Variants in CFAP47 observed in about 807,000 individuals in gnomAD.
CFAP47 encodes cilia and flagella associated protein 47, also known as cilia- and flagella-associated protein 47.
CFAP47 carries 29 observed loss-of-function variants against 148.1 expected under a neutral mutation model. The observed-to-expected ratio is 0.20, with a 90% CI of 0.15 to 0.27. The LOEUF is 0.27. CFAP47 is among the 10% of genes least tolerant of loss of function. CFAP47 has a pLI of 1.00. For synonymous variants in CFAP47, 664 were observed against 577.3 expected, an observed-to-expected ratio of 1.15 and a Z score of -2.15; for missense variants, 1,872 against 1,697.5, an observed-to-expected ratio of 1.10 and a Z score of -1.81.
chrX:36,365,291 ATACT>A (rs1397286546), intron 61 of CFAP47, among the ~76,000 whole-genome samples: 2 of 110,816 alleles, frequency 1.8e-5, no homozygotes, highest in Non-Finnish European at 3.8e-5. Flanking sequence ...TCTATGCAAC[ATACT>A]TCATTTTAGC....
At chrX:36,233,133 G>A (rs1940393321) in intron 46 of CFAP47, among the ~76,000 whole-genome samples, 2 of 111,508 alleles carry the variant, frequency 1.8e-5, no homozygotes, top group Admixed American at 9.5e-5. Context: ...TATTAGGTCT[G>A]CTTGGTGCAG....
intron 26 of CFAP47, among the ~76,000 whole-genome samples, chrX:36,050,739 T>G (rs1297818965): frequency 9.0e-6 from 1 of 110,925 alleles, no homozygotes; most frequent in Non-Finnish European, 1.9e-5. Flanking sequence ...ACCAAGACAA[T>G]GGGGAAAATG....
intron 57 of CFAP47, among the ~76,000 whole-genome samples, chrX:36,328,273 T>C (rs1265594714): frequency 9.0e-6 from 1 of 111,707 alleles, no homozygotes; most frequent in East Asian, 2.8e-4. Flanking sequence ...AAGATCTTTA[T>C]ACTAAATACT....
chrX:36,347,059 C>T (rs782145911), intron 57 of CFAP47, among the ~76,000 whole-genome samples: 17 of 111,944 alleles, frequency 1.5e-4, no homozygotes, highest in African/African-American at 5.5e-4. Flanking sequence ...GGCTAATATC[C>T]AGAATCTACA....
intron 39 of CFAP47, among the ~76,000 whole-genome samples, chrX:36,172,780 C>T (rs1001497977): frequency 1.9e-4 from 21 of 111,384 alleles, no homozygotes; most frequent in Non-Finnish European, 3.2e-4. Flanking sequence ...TGTGTCTCTG[C>T]CCGGCTTTGG....
At chrX:36,350,285 A>G (rs781979360) in intron 59 of CFAP47, among the ~76,000 whole-genome samples, 153 bp downstream of exon 59, 6 of 111,667 alleles carry the variant, frequency 5.4e-5, no homozygotes, top group Non-Finnish European at 9.4e-5. Flanking sequence ...TGCTCTCCCA[A>G]TGTGTCCAAT....
intron 33 of CFAP47, among the ~76,000 whole-genome samples, chrX:36,107,721 A>G (rs1039841816): frequency 9.0e-6 from 1 of 111,425 alleles, no homozygotes; most frequent in East Asian, 2.8e-4. Context: ...TGTTCTTCTC[A>G]TCTTATACAT....
At chrX:36,377,788 C>T (rs12011608) in intron 62 of CFAP47, among the ~76,000 whole-genome samples, 4,292 of 112,148 alleles carry the variant, frequency 0.038, 180 homozygotes, top group African/African-American at 0.13. Flanking sequence ...AACAGCGATA[C>T]TGATGACTAA....
At chrX:36,166,352 C>T (rs761232355) in intron 39 of CFAP47, among the ~76,000 whole-genome samples, 11 of 110,859 alleles carry the variant, frequency 9.9e-5, no homozygotes, top group Non-Finnish European at 1.7e-4. Flanking sequence ...TTTGTTAGTT[C>T]TTTCTTCCCC....
intron 32 of CFAP47, among the ~76,000 whole-genome samples, chrX:36,102,606 C>A (rs139629825): frequency 0.016 from 1,808 of 110,951 alleles, 48 homozygotes; most frequent in African/African-American, 0.056. Context: ...TATTCTTAGT[C>A]AAGGGTCACT....
At chrX:36,211,716 A>G (rs1940103644) in intron 45 of CFAP47, 1 of 200,987 alleles carries the variant, frequency 5.0e-6, no homozygotes, top group African/African-American at 3.0e-5. Context: ...GAGGAAGAAG[A>G]TGAAGATGAT....
intron 19 of CFAP47, among the ~76,000 whole-genome samples, chrX:35,998,762 T>C (rs1446895454): frequency 1.8e-5 from 2 of 111,734 alleles, no homozygotes; most frequent in African/African-American, 6.5e-5. Context: ...TGGTGATTCC[T>C]GGAGGTTAAA....
intron 57 of CFAP47, among the ~76,000 whole-genome samples, chrX:36,336,431 G>T (rs1306496296): frequency 2.7e-5 from 3 of 110,965 alleles, no homozygotes; most frequent in Non-Finnish European, 5.7e-5. Flanking sequence ...CCTCCTCATT[G>T]TGTCTCACCT....
At chrX:36,323,412 T>C (rs1556012439) in intron 57 of CFAP47, among the ~76,000 whole-genome samples, 1 of 110,324 alleles carries the variant, frequency 9.1e-6, no homozygotes, top group African/African-American at 3.3e-5. Context: ...TTTCAAAATG[T>C]ATTTGGCCAA....
At chrX:36,280,204 A>G (rs5972036) in intron 49 of CFAP47, among the ~76,000 whole-genome samples, 26,577 of 110,006 alleles carry the variant, frequency 0.24, 2,753 homozygotes, top group African/African-American at 0.38. Flanking sequence ...AAGTTGATGC[A>G]TTTATATTAT....
Position 36,071,810 on chromosome X carries a change from A to G in CFAP47, c.4319-15A>G, listed in dbSNP as rs1410113091. On this transcript the variant is annotated splice_polypyrimidine_tract_variant and intron_variant, in intron 27 of 63. Transcript: ENST00000378653. ...TGCATGTTTTGCTTACTGTGATCCA[A>G]TGTGTCATTTGTAGATAAGGATGAA... is the stretch of plus-strand genomic sequence containing the variant. 3.3e-6 allele frequency: 4 copies of G among 1,195,693 alleles called. No homozygotes were observed. The highest frequency in any genetic ancestry group is 6.0e-5 in the East Asian group (2 of 33,542).
chrX:36,023,092 T>C (rs991686868), intron 22 of CFAP47, among the ~76,000 whole-genome samples: 3 of 111,935 alleles, frequency 2.7e-5, no homozygotes, highest in African/African-American at 6.5e-5. Context: ...TGAGATTGTT[T>C]GTACGTGTCC....
chrX:36,153,466 C>T (rs1473858812), intron 37 of CFAP47, among the ~76,000 whole-genome samples: 1 of 111,803 alleles, frequency 8.9e-6, no homozygotes, highest in Non-Finnish European at 1.9e-5. Context: ...TGTGGTCATT[C>T]TATGCCTGGG....
At chrX:36,140,037 TTC>T (rs1238375938) in intron 35 of CFAP47, among the ~76,000 whole-genome samples, 1 of 111,610 alleles carries the variant, frequency 9.0e-6, no homozygotes, top group Non-Finnish European at 1.9e-5. Context: ...AATATTACAA[TTC>T]CCATAAATTC....
Sources: gnomAD v4.1 joint callset for allele counts (sites outside exome capture counted in the v4.1 genomes callset) on GRCh38, gnomAD v4.1.1 for gene constraint, MANE v1.5 for transcripts, NCBI Gene and HGNC (gene_info 2026-07-23, HGNC 2026-07-21) for gene names.